The following ELP2 variants were observed in gnomAD, a reference collection of about 807,000 sequenced individuals.
ELP2 encodes elongator complex protein 2.
Under a neutral mutation model 119.2 loss-of-function variants are expected in ELP2, and 90 were observed. The ratio of observed to expected loss-of-function variants is 0.75; its 90% CI spans 0.64 to 0.90. ELP2 has a LOEUF of 0.90. ELP2 is among the 40% of genes least tolerant of loss of function. The pLI is 0.00. For missense variants in ELP2, 921 were observed against 967.8 expected (o/e 0.95, Z 0.64); for synonymous variants, 339 against 331.0 (o/e 1.02, Z -0.26).
At chr18:36,138,570 CT>C in intron 4 of ELP2, 144 bp downstream of exon 4, 1 of 1,063,546 alleles carries the variant, frequency 9.4e-7, no homozygotes, top group East Asian at 2.6e-5. Flanking sequence ...TTCTTTTGCA[CT>C]TATTTAAAAT....
chr18:36,158,948 T>G, intron 14 of ELP2, 44 bp downstream of exon 14: 9 of 1,323,898 alleles, frequency 6.8e-6, no homozygotes, highest in Non-Finnish European at 9.8e-6. Flanking sequence ...TAGTGGTACT[T>G]AAACCCCAGT....
intron 21 of ELP2, among the ~76,000 whole-genome samples, chr18:36,174,228 T>C (rs1238151073): frequency 6.6e-6 from 1 of 152,218 alleles, no homozygotes; most frequent in East Asian, 1.9e-4. Context: ...TGTTTTTTTT[T>C]AAACAACATT....
rs2091301037 is a variant in ELP2, at chr18:36,180,001, T to C, written c.*5360T>C. 6.6e-6 allele frequency: 1 copy of C among 152,230 alleles called. No individual in the cohort carries two copies. Among genetic ancestry groups the C allele is most frequent in the Non-Finnish European group, 1.5e-5 (1 of 68,042 alleles). The allele number at this position is 152,230 out of a possible 1,614,324, so 9.4% of individuals were successfully genotyped here. On this transcript the variant is annotated 3_prime_UTR_variant, in exon 22 of 22. Coordinates refer to ENST00000358232, the MANE Select transcript of ELP2 (RefSeq NM_018255.4). ...TGTGAAAAAAAATTGTAAAATTTTCTTTCTGGTTTACGCAAGTTAAAAGTT... is the reference window on the plus strand; with the variant it reads ...TGTGAAAAAAAATTGTAAAATTTTCCTTCTGGTTTACGCAAGTTAAAAGTT...
At chr18:36,168,909 ATTTCT>A (rs2090988492) in intron 19 of ELP2, among the ~76,000 whole-genome samples, 8 of 77,800 alleles carry the variant, frequency 1.0e-4, no homozygotes, top group Admixed American at 3.4e-4. Flanking sequence ...TTCTCTCTCC[ATTTCT>A]TTTTTTTTTT....
At chr18:36,162,140 C>T (rs998720483) in intron 17 of ELP2, among the ~76,000 whole-genome samples, 4 of 152,176 alleles carry the variant, frequency 2.6e-5, no homozygotes, top group Non-Finnish European at 5.9e-5. Flanking sequence ...ATCATCACTA[C>T]AATCAAGATA....
rs2091185551 is a variant in ELP2, at chr18:36,174,786, TC to T, written c.*148del. Reference sequence around the variant, plus strand: ...GTCTTGCTTTGTCACAACCTCCACCTCCCAGGTTCAAGCGATTCTCTTTCTT... The same window carrying T: ...GTCTTGCTTTGTCACAACCTCCACCTCCAGGTTCAAGCGATTCTCTTTCTT... On this transcript the variant is annotated 3_prime_UTR_variant, in exon 22 of 22. Transcript: ENST00000358232. The T allele has an allele frequency of 1.3e-6, 1 of 743,560 alleles. No individual in the cohort carries two copies. The highest frequency in any genetic ancestry group is 2.2e-6 in the Non-Finnish European group (1 of 454,364). 46.1% of individuals were successfully genotyped at this position (743,560 alleles called of 1,614,324 possible).
At chr18:36,142,484 A>G in intron 7 of ELP2, 137 bp downstream of exon 7, 1 of 745,158 alleles carries the variant, frequency 1.3e-6, no homozygotes, top group Non-Finnish European at 2.3e-6. Flanking sequence ...AGAAAGGAGG[A>G]TGCTTATCTC....
At chr18:36,168,918 T>G (rs1453433483) in intron 19 of ELP2, among the ~76,000 whole-genome samples, 5 of 8,196 alleles carry the variant, frequency 6.1e-4, no homozygotes, top group Non-Finnish European at 1.4e-3. Context: ...CATTTCTTTT[T>G]TTTTTTTTTT....
rs1006393316 is a variant in ELP2, at chr18:36,175,253, A to C, written c.*612A>C. 1.3e-5 allele frequency: 2 copies of C among 152,356 alleles called. No individual in the cohort carries two copies. The highest frequency in any genetic ancestry group is 4.8e-5 in the African/African-American group (2 of 41,428). 9.4% of individuals were successfully genotyped at this position (152,356 alleles called of 1,614,324 possible). On this transcript the variant is annotated 3_prime_UTR_variant, in exon 22 of 22. Coordinates refer to ENST00000358232, the MANE Select transcript of ELP2 (RefSeq NM_018255.4). ...GGGACTTAATTTGTCCCTCTTTGGGACATTTCCTTATTTATTGCCCTCTTC... is the reference window on the plus strand; with the variant it reads ...GGGACTTAATTTGTCCCTCTTTGGGCCATTTCCTTATTTATTGCCCTCTTC...
intron 17 of ELP2, among the ~76,000 whole-genome samples, chr18:36,163,348 G>GT (rs2144767060): frequency 6.6e-6 from 1 of 150,840 alleles, no homozygotes; most frequent in East Asian, 1.9e-4. Flanking sequence ...ACACTGAACA[G>GT]TTTTTTATAT....
At position 36,180,266 on chromosome 18, in the gene ELP2, T is replaced by C. The variant is rs2091305461; in HGVS notation, c.*5625T>C. On this transcript the variant is annotated 3_prime_UTR_variant, in exon 22 of 22. Transcript: ENST00000358232. ...AAAACATTTCTTGGAAGTCCCATAC[T>C]ATTTTGCTTAATCTCCTCGGGCAGA... is the stretch of plus-strand genomic sequence containing the variant. The C allele has an allele frequency of 6.6e-6, 1 of 152,212 alleles. No homozygotes were observed. The highest frequency in any genetic ancestry group is 6.5e-5 in the Admixed American group (1 of 15,282). The allele number at this position is 152,212 out of a possible 1,614,324, so 9.4% of individuals were successfully genotyped here. A position where few individuals can be genotyped will look rare whatever the true frequency, so the allele number is the denominator to read the frequency against.
Position 36,139,153 on chromosome 18 carries a change from G to A in ELP2, c.523+281G>A, listed in dbSNP as rs146949006. ...TCAAATATACTGTGGATGTATATAG[G>A]TCTAATTTGAGGAAAGAATCTAATT... On this transcript the variant is annotated intron_variant, in intron 5 of 21. Transcript: ENST00000358232. Among the ~76,000 whole-genome samples, 112 of 152,234 alleles carry A rather than the reference G, an allele frequency of 7.4e-4. 1 individual carries two copies. The South Asian group carries it at 0.01, about 14-fold the overall frequency.
chr18:36,170,845 G>A (rs1453547754), intron 20 of ELP2: 1 of 602,362 alleles, frequency 1.7e-6, no homozygotes, highest in Non-Finnish European at 3.0e-6. Flanking sequence ...AGAGGACACA[G>A]ATAAATCTGT....
Position 36,156,524 on chromosome 18 carries a change from C to T in ELP2, c.1334C>T (p.Ala445Val), listed in dbSNP as rs1206216028. Residue 445 changes from alanine (A) to valine (V), a missense_variant, in exon 13 of 22, where the codon GCA becomes GTA. Physicochemically the swap from Ala to Val is moderately conservative, Grantham distance 64. Transcript: ENST00000358232. ...QIHGYDLKCL[A>V]MINRFQFVSG... ...CATGGGTATGACCTGAAATGTTTGG[C>T]AATGATTAATCGGTTTCAGTTTGTA... 6.2e-7 allele frequency: 1 copy of T among 1,614,088 alleles called. No homozygotes were observed. The highest frequency in any genetic ancestry group is 1.1e-5 in the South Asian group (1 of 91,076).
intron 3 of ELP2, chr18:36,136,619 C>T (rs2089835936): frequency 4.2e-6 from 2 of 477,698 alleles, no homozygotes; most frequent in Non-Finnish European, 7.5e-6. Context: ...TCAGAAATGA[C>T]TTTTATATAT....
intron 1 of ELP2, among the ~76,000 whole-genome samples, chr18:36,131,154 A>G (rs1052254542): frequency 2.0e-5 from 3 of 152,334 alleles, no homozygotes; most frequent in Admixed American, 6.5e-5. Context: ...AGCCTGGGCA[A>G]CAGAGCCAGA....
intron 1 of ELP2, among the ~76,000 whole-genome samples, chr18:36,130,272 C>T (rs1355973933): frequency 6.6e-6 from 1 of 152,154 alleles, no homozygotes; most frequent in Non-Finnish European, 1.5e-5. Flanking sequence ...TCACGCGTGG[C>T]GTCATCCTAG....
chr18:36,142,262 A>T lies in ELP2; in HGVS notation c.589-19A>T. On this transcript the variant is annotated intron_variant, in intron 6 of 21. Transcript: ENST00000358232. ...ATGTTAAATTCTTACATCAAGCCCA[A>T]TGATTTTTATCTTACTAGTTTCAGA... The T allele has an allele frequency of 6.2e-7, 1 of 1,608,738 alleles. No individual in the cohort carries two copies. Among genetic ancestry groups the T allele is most frequent in the African/African-American group, 1.3e-5 (1 of 74,918 alleles).
Position 36,177,142 on chromosome 18 carries a change from G to A in ELP2, c.*2501G>A, listed in dbSNP as rs894850798. The A allele has an allele frequency of 6.6e-6, 1 of 152,090 alleles. No individual in the cohort carries two copies. The highest frequency in any genetic ancestry group is 1.5e-5 in the Non-Finnish European group (1 of 68,018). The allele number at this position is 152,090 out of a possible 1,614,324, so 9.4% of individuals were successfully genotyped here. A position where few individuals can be genotyped will look rare whatever the true frequency, so the allele number is the denominator to read the frequency against. ...AAATACATAAAAAATATGATGGGTG[G>A]AGTGACGGACACATGGACAGATATG... On this transcript the variant is annotated 3_prime_UTR_variant, in exon 22 of 22. Coordinates refer to ENST00000358232, the MANE Select transcript of ELP2 (RefSeq NM_018255.4).
Sources: gnomAD v4.1 joint callset for allele counts (sites outside exome capture counted in the v4.1 genomes callset) on GRCh38, gnomAD v4.1.1 for gene constraint, MANE v1.5 for transcripts, NCBI Gene and HGNC (gene_info 2026-07-23, HGNC 2026-07-21) for gene names.